IGF2R: variants seen among roughly 807,000 people sequenced by gnomAD.
IGF2R encodes the protein insulin like growth factor 2 receptor, also known as cation-independent mannose-6-phosphate receptor.
Under a neutral mutation model 270.6 loss-of-function variants are expected in IGF2R, and 91 were observed. The ratio of observed to expected loss-of-function variants is 0.34; its 90% CI spans 0.28 to 0.40. The LOEUF (loss-of-function observed/expected upper bound fraction) is 0.40, where lower values mean the gene tolerates loss of function less well. IGF2R is among the 10% of genes least tolerant of loss of function. The pLI is 1.00. For missense variants in IGF2R, 2,805 were observed against 3,188.3 expected, an observed-to-expected ratio of 0.88 and a Z score of 2.90; for synonymous variants, 1,316 against 1,258.9, an observed-to-expected ratio of 1.05 and a Z score of -0.96.
chr6:159,985,586 T>C (rs1783869116), intron 1 of IGF2R, among the ~76,000 whole-genome samples: 1 of 152,234 alleles, frequency 6.6e-6, no homozygotes, highest in Non-Finnish European at 1.5e-5. Flanking sequence ...TGCCAGTCAT[T>C]GCTCCAGGAG....
intron 1 of IGF2R, among the ~76,000 whole-genome samples, chr6:159,982,917 A>G (rs184264708): frequency 2.6e-5 from 4 of 152,326 alleles, no homozygotes; most frequent in Admixed American, 1.3e-4. Flanking sequence ...TTTTAAAAGG[A>G]AAGAACTCCA....
chr6:160,056,845 G>T (rs1317463551), intron 20 of IGF2R, among the ~76,000 whole-genome samples: 5 of 152,176 alleles, frequency 3.3e-5, no homozygotes, highest in African/African-American at 7.2e-5. Flanking sequence ...GCAGATGTCT[G>T]ACTAGTCGAT....
chr6:160,046,595 G>A lies in IGF2R; in HGVS notation c.2001G>A (p.Val667=), dbSNP rs1479962479. The A allele has an allele frequency of 9.9e-6, 16 of 1,613,896 alleles. No homozygotes were observed. The highest frequency in any genetic ancestry group is 1.3e-5 in the Non-Finnish European group (15 of 1,180,014). ...TTTATATAAATGTGTGTGGCCCGGT[G>A]TCTGTGAGCCCCTGTCAGCCAGACT... ...YDFYINVCGP[V]SVSPCQPDSG... is the part of the protein sequence containing the mutation. Residue 667 remains valine, a synonymous_variant, in exon 15 of 48, where the codon GTG becomes GTA. Transcript: ENST00000356956.
At chr6:160,052,298 A>C (rs1778217113) in intron 19 of IGF2R, among the ~76,000 whole-genome samples, 1 of 152,186 alleles carries the variant, frequency 6.6e-6, no homozygotes, top group South Asian at 2.1e-4. Context: ...TTAACAGACA[A>C]AGAGAGCCAA....
rs746593397 is a variant in IGF2R, at chr6:160,010,748, C to A, written c.476C>A (p.Ala159Glu). ...CACTACTTTGAGTGGAGGACCACTG[C>A]AGCCTGCAAGAAAGACATATTTAAA... is the stretch of plus-strand genomic sequence containing the variant. ...CVHYFEWRTT[A>E]ACKKDIFKAN... The change falls in exon 4 of 48, where the codon GCA becomes GAA. Residue 159 changes from alanine to glutamate, a missense_variant. Transcript: ENST00000356956. The A allele has an allele frequency of 3.1e-6, 5 of 1,611,884 alleles. No individual in the cohort carries two copies. In the South Asian group the frequency reaches 5.5e-5, roughly 18 times the overall value.
At chr6:160,074,553 C>T (rs1401038822) in intron 35 of IGF2R, among the ~76,000 whole-genome samples, 1 of 152,218 alleles carries the variant, frequency 6.6e-6, no homozygotes, top group African/African-American at 2.4e-5. Context: ...GGATTACAGG[C>T]ATGAGCCACA....
At chr6:160,061,465 G>C (rs750089104) in intron 23 of IGF2R, 38 bp from the exon 24 acceptor site, 1 of 1,607,898 alleles carries the variant, frequency 6.2e-7, no homozygotes, top group Non-Finnish European at 8.5e-7. Flanking sequence ...CTCACAAGGA[G>C]GCAGAGTTCT....
At chr6:159,977,178 T>A (rs1783707891) in intron 1 of IGF2R, among the ~76,000 whole-genome samples, 2 of 152,230 alleles carry the variant, frequency 1.3e-5, no homozygotes, top group Admixed American at 1.3e-4. Flanking sequence ...AAGATCTCTC[T>A]TAAAGTTCTG....
chr6:160,087,323 GCGATAATGAAGGCTGCCATTACCCGGGGT>G (rs1779116311), intron 41 of IGF2R, among the ~76,000 whole-genome samples: 1 of 152,200 alleles, frequency 6.6e-6, no homozygotes, highest in African/African-American at 2.4e-5. Flanking sequence ...CACAATTGGA[GCGATAATGAAGGCTGCCATTACCCGGGGT>G]CCCACTGTTC....
rs1399985944 is a variant in IGF2R at position 160,073,978 on chromosome 6, A to G, written c.5166+3A>G. Reference sequence around the variant, plus strand: ...TTCCTATTGATGGTCCCCCCATAGTAAGTATGACAAATCCAAGGGTGGAGA... The same window carrying G: ...TTCCTATTGATGGTCCCCCCATAGTGAGTATGACAAATCCAAGGGTGGAGA... On this transcript the variant is annotated splice_donor_region_variant and intron_variant, in intron 35 of 47. Transcript: ENST00000356956. 4.4e-6 allele frequency: 7 copies of G among 1,602,500 alleles called. No individual in the cohort carries two copies. In the African/African-American group the frequency reaches 5.4e-5, roughly 12 times the overall value.
intron 45 of IGF2R, among the ~76,000 whole-genome samples, chr6:160,096,896 A>G (rs1278752316): frequency 6.6e-6 from 1 of 152,102 alleles, no homozygotes; most frequent in Admixed American, 6.5e-5. Context: ...CATGCCCCGA[A>G]TAGGGTCCAG....
chr6:160,030,538 G>C lies in IGF2R; in HGVS notation c.882+883G>C, dbSNP rs368735330. ...CAGCTGAATGAAGGCCGGAGTGTCTGATGTTTGTTCTGAATGTGAATGGGG... is the reference window on the plus strand; with the variant it reads ...CAGCTGAATGAAGGCCGGAGTGTCTCATGTTTGTTCTGAATGTGAATGGGG... On this transcript the variant is annotated intron_variant, in intron 7 of 47. Transcript: ENST00000356956. Among the ~76,000 whole-genome samples, 14 of 152,240 alleles carry C rather than the reference G, an allele frequency of 9.2e-5. No homozygotes were observed. The South Asian group carries it at 2.5e-3, about 27-fold the overall frequency.
At chr6:160,103,713 C>T (rs747284262) in intron 46 of IGF2R, 33 bp from the exon 47 acceptor site, 1 of 1,524,860 alleles carries the variant, frequency 6.6e-7, no homozygotes, top group Admixed American at 1.7e-5. Context: ...CCTCTCTACA[C>T]TGGAGTAATT....
At chr6:160,065,814 G>GTGTGTATATATA in intron 29 of IGF2R, among the ~76,000 whole-genome samples, 135 of 78,332 alleles carry the variant, frequency 1.7e-3, no homozygotes, top group African/African-American at 4.5e-3. Flanking sequence ...GTGTGTGTGT[G>GTGTGTATATATA]TATATATATA....
intron 29 of IGF2R, among the ~76,000 whole-genome samples, chr6:160,066,979 G>A (rs1225285134): frequency 6.6e-6 from 1 of 152,146 alleles, no homozygotes; most frequent in East Asian, 1.9e-4. Context: ...CTTGTCACAC[G>A]TTTGGTTAGT....
intron 44 of IGF2R, chr6:160,093,813 TA>T (rs1779285186): frequency 1.4e-6 from 1 of 735,202 alleles, no homozygotes; most frequent in Admixed American, 1.8e-5. Flanking sequence ...GATGAGCTGT[TA>T]AGGGTGCTGT....
chr6:160,042,695 G>A (rs571878643), intron 11 of IGF2R, among the ~76,000 whole-genome samples: 438 of 152,334 alleles, frequency 2.9e-3, no homozygotes, highest in Middle Eastern at 0.017. Context: ...TGTGTAAGAG[G>A]TTGCTGGTTT....
At position 160,044,505 on chromosome 6, in the gene IGF2R, C is replaced by T. The variant is rs1778024856; in HGVS notation, c.1622-9C>T. On this transcript the variant is annotated splice_polypyrimidine_tract_variant and intron_variant, in intron 12 of 47. Transcript: ENST00000356956. Reference sequence around the variant, plus strand: ...CACATCTTCTGTTTTCTCCCCCTTTCTCTTCCAGATAAAAATGGAAGTAAA... The same window carrying T: ...CACATCTTCTGTTTTCTCCCCCTTTTTCTTCCAGATAAAAATGGAAGTAAA... The T allele has an allele frequency of 1.9e-6, 3 of 1,593,496 alleles. No individual in the cohort carries two copies. The African/African-American group carries it at 4.0e-5, about 21-fold the overall frequency.
Position 160,105,149 on chromosome 6 carries a change from C to T in IGF2R, c.*65C>T. 7.5e-7 allele frequency: 1 copy of T among 1,330,902 alleles called. No individual in the cohort carries two copies. Among genetic ancestry groups the T allele is most frequent in the East Asian group, 2.5e-5 (1 of 39,292 alleles). The allele number at this position is 1,330,902 out of a possible 1,614,324, so 82.4% of individuals were successfully genotyped here. ...GCCAAGCACCTCCAACCAAATAAGACTTCCACTCGATGATGCTTCTATAAT... is the reference window on the plus strand; with the variant it reads ...GCCAAGCACCTCCAACCAAATAAGATTTCCACTCGATGATGCTTCTATAAT... On this transcript the variant is annotated 3_prime_UTR_variant, in exon 48 of 48. Coordinates refer to ENST00000356956, the MANE Select transcript of IGF2R (RefSeq NM_000876.4).
Sources: allele counts gnomAD v4.1 joint callset (sites outside exome capture counted in the v4.1 genomes callset), GRCh38; gene constraint gnomAD v4.1.1; transcripts MANE v1.5; gene names NCBI Gene and HGNC (gene_info 2026-07-23, HGNC 2026-07-21).